The following MDN1 variants were observed in gnomAD, a reference collection of about 807,000 sequenced individuals.
MDN1 encodes the protein midasin.
A neutral mutation model predicts 669.2 loss-of-function variants in MDN1; 266 were observed. The observed-to-expected ratio is 0.40, with a 90% confidence interval of 0.36 to 0.44. The LOEUF (loss-of-function observed/expected upper bound fraction) is 0.44. Ranked by LOEUF, MDN1 falls within the 20% of genes least tolerant of loss-of-function variation. The pLI is 1.00. For synonymous variants in MDN1, 2,385 were observed against 2,457.1 expected (o/e 0.97, Z 0.87); for missense variants, 5,940 against 6,754.0 (o/e 0.88, Z 4.22).
chr6:89,795,292 G>A (rs1562227578), intron 2 of MDN1, among the ~76,000 whole-genome samples: 2 of 152,152 alleles, frequency 1.3e-5, no homozygotes, highest in African/African-American at 4.8e-5. Context: ...TTGCTGTCTA[G>A]TAAGGAAGAC....
intron 2 of MDN1, among the ~76,000 whole-genome samples, chr6:89,798,350 T>C (rs6914576): frequency 0.078 from 11,864 of 151,512 alleles, 1,100 homozygotes; most frequent in African/African-American, 0.22. Context: ...CCGTCTCTAC[T>C]AAAAAGACAA....
Position 89,742,850 on chromosome 6 carries a change from C to CA in MDN1, c.4448+299dup, listed in dbSNP as rs370099552. Among the ~76,000 whole-genome samples the CA allele has an allele frequency of 2.2e-3, 331 of 151,362 alleles. 1 individual carries two copies. Among genetic ancestry groups the CA allele is most frequent in the African/African-American group, 7.7e-3 (316 of 41,306 alleles). ...ATCCCATTGTTCTGATTATTGATAG[C>CA]AAAAAAAACCTAGAAATTTAGGAAA... On this transcript the variant is annotated intron_variant, in intron 31 of 101. Coordinates refer to ENST00000369393, the MANE Select transcript of MDN1 (RefSeq NM_014611.3).
intron 33 of MDN1, among the ~76,000 whole-genome samples, chr6:89,734,670 G>GAA (rs778207435): frequency 3.5e-5 from 1 of 28,682 alleles, no homozygotes; most frequent in African/African-American, 2.3e-4. Context: ...AAAGGAAGAA[G>GAA]AAAAAAAAAA....
At position 89,716,743 on chromosome 6, in the gene MDN1, T is replaced by C. The variant is rs576333533; in HGVS notation, c.6650A>G (p.His2217Arg). ...AACCCATTCAAATGTGCCATGGCTA[T>C]GGCCACTGGCCAACTGCGTAAGCTT... ...GVKLTQLASG[H>R]SHGTFEWVDS... is the part of the protein sequence containing the mutation. Residue 2217 changes from histidine (H) to arginine (R), a missense_variant, in exon 44 of 102, where the codon CAT becomes CGT. Physicochemically the swap from His to Arg is conservative, Grantham distance 29. Coordinates refer to ENST00000369393, the MANE Select transcript of MDN1 (RefSeq NM_014611.3). The C allele has an allele frequency of 7.0e-5, 113 of 1,614,064 alleles. 1 individual carries two copies. The South Asian group carries it at 1.2e-3, about 17-fold the overall frequency.
rs1812277636 is a variant in MDN1 at position 89,689,996 on chromosome 6, T to G, written c.10897A>C (p.Asn3633His). Residue 3633 changes from asparagine (N) to histidine (H), a missense_variant, in exon 65 of 102, where the codon AAC (asparagine) becomes CAC (histidine). Physicochemically the swap from Asn to His is moderately conservative, Grantham distance 68. This residue lies in a region of MDN1 where 2,280 missense variants were observed against 2,576.3 expected (regional missense o/e 0.88). Transcript: ENST00000369393. ...TGATACCAGAGGGATCGAGCAAAGT[T>G]GAGACACAATTGCTGGTGTATCAGC... Reference protein sequence around the residue: ...VMLIHQQLCLNFARSLWYQQT... With the variant: ...VMLIHQQLCLHFARSLWYQQT... 1 of 1,614,196 alleles carries G rather than the reference T, an allele frequency of 6.2e-7. No individual in the cohort carries two copies. Among genetic ancestry groups the G allele is most frequent in the Non-Finnish European group, 8.5e-7 (1 of 1,180,028 alleles).
chr6:89,667,990 C>T, intron 84 of MDN1, 24 bp downstream of exon 84: 1 of 1,612,226 alleles, frequency 6.2e-7, no homozygotes, highest in East Asian at 2.2e-5. Flanking sequence ...CTTCTGTCAA[C>T]TGTATACCTA....
chr6:89,680,453 G>T, intron 74 of MDN1, 136 bp downstream of exon 74: 1 of 1,030,556 alleles, frequency 9.7e-7, no homozygotes, highest in Non-Finnish European at 1.4e-6. Context: ...GGGTTTTTAA[G>T]CCCACTTGCT....
At chr6:89,688,012 T>G in intron 67 of MDN1, 66 bp downstream of exon 67, 2 of 1,327,940 alleles carry the variant, frequency 1.5e-6, no homozygotes, top group Non-Finnish European at 2.2e-6. Context: ...ACAACAAAGG[T>G]GCCACAAGAC....
chr6:89,701,511 AAGT>A lies in MDN1; in HGVS notation c.8427+44_8427+46del, dbSNP rs1287029369. ...TTCCCAAGTTCCAAAAGGACTTCAG[AAGT>A]AGTAGTCACATTTCTTTTATTTACT... On this transcript the variant is annotated intron_variant, in intron 55 of 101. Transcript: ENST00000369393. 5 of 1,605,466 alleles carry A rather than the reference AAGT, an allele frequency of 3.1e-6. No individual in the cohort carries two copies. The South Asian group carries it at 5.6e-5, about 18-fold the overall frequency.
In MDN1 at chr6:89,728,963, T is replaced by A; in HGVS notation, c.5317A>T (p.Thr1773Ser). 6.2e-7 allele frequency: 1 copy of A among 1,614,036 alleles called. No individual in the cohort carries two copies. The highest frequency in any genetic ancestry group is 8.5e-7 in the Non-Finnish European group (1 of 1,179,986). Residue 1773 changes from threonine (T) to serine (S), a missense_variant, in exon 36 of 102, where the codon ACC becomes TCC. Physicochemically the swap from Thr to Ser is moderately conservative, Grantham distance 58. Transcript: ENST00000369393. ...TCTGATAAGTTGATTCTAACAAGGGTATTTCCTGAAGCCTTTGCTAATGCT... is the reference window on the plus strand; with the variant it reads ...TCTGATAAGTTGATTCTAACAAGGGAATTTCCTGAAGCCTTTGCTAATGCT... ...VGALAKASGNTLVRINLSEQT... is the reference protein window; with the variant it reads ...VGALAKASGNSLVRINLSEQT...
Position 89,758,145 on chromosome 6 carries a change from T to C in MDN1, c.2702+110A>G, listed in dbSNP as rs371290291. The C allele has an allele frequency of 1.1e-3, 860 of 808,534 alleles. 10 individuals are homozygous for C. The highest frequency in any genetic ancestry group is 8.2e-3 in the South Asian group (482 of 59,132). The allele number at this position is 808,534 out of a possible 1,614,324, so 50.1% of individuals were successfully genotyped here. A position where few individuals can be genotyped will look rare whatever the true frequency, so the allele number is the denominator to read the frequency against. On this transcript the variant is annotated intron_variant, in intron 19 of 101. Transcript: ENST00000369393. ...GGGAGGTGGGAGGTGGGAGGACTGCTTGAACCGGGGACTTGCAGTGAGCCA... is the reference window on the plus strand; with the variant it reads ...GGGAGGTGGGAGGTGGGAGGACTGCCTGAACCGGGGACTTGCAGTGAGCCA...
rs1484814649 is a variant in MDN1 at position 89,719,031 on chromosome 6, C to A, written c.6058-1G>T. 1 of 1,613,900 alleles carries A rather than the reference C, an allele frequency of 6.2e-7. No individual in the cohort carries two copies. The highest frequency in any genetic ancestry group is 8.5e-7 in the Non-Finnish European group (1 of 1,179,936). On this transcript the variant is annotated splice_acceptor_variant, in intron 41 of 101. Coordinates refer to ENST00000369393, the MANE Select transcript of MDN1 (RefSeq NM_014611.3). LOFTEE classifies it high-confidence loss of function. The stretch of plus-strand genomic sequence containing the variant: ...CACGGGAAAGGACTGAGTAGCCCAA[C>A]TGAAAAGACATGCCAGTGAGATTTC...
At chr6:89,745,000 A>G (rs1361761517) in intron 29 of MDN1, among the ~76,000 whole-genome samples, 1 of 151,198 alleles carries the variant, frequency 6.6e-6, no homozygotes, top group Non-Finnish European at 1.5e-5. Context: ...GTACATGTGC[A>G]GAATGTGCAG....
intron 93 of MDN1, among the ~76,000 whole-genome samples, chr6:89,653,406 T>G (rs1159176247): frequency 1.3e-5 from 2 of 152,234 alleles, no homozygotes; most frequent in Non-Finnish European, 2.9e-5. Flanking sequence ...GGGGAAATTT[T>G]GGGTTGTCCT....
intron 33 of MDN1, among the ~76,000 whole-genome samples, chr6:89,735,968 C>T (rs918995733): frequency 6.6e-5 from 10 of 152,008 alleles, no homozygotes; most frequent in Non-Finnish European, 1.5e-4. Context: ...TGCAGTGAGC[C>T]AAGATTGCAC....
chr6:89,677,684 C>G lies in MDN1; in HGVS notation c.12425G>C (p.Arg4142Pro). 1.2e-6 allele frequency: 2 copies of G among 1,614,004 alleles called. No individual in the cohort carries two copies. The highest frequency in any genetic ancestry group is 1.1e-5 in the South Asian group (1 of 91,068). Reference protein sequence around the residue: ...KHLAKIGLSYRKGLAWARSKN... With the variant: ...KHLAKIGLSYPKGLAWARSKN... ...TGAACGGGCCCAAGCAAGACCTTTG[C>G]GATACGACAAACCTAGGAAATAAAC... The change falls in exon 76 of 102, where the codon CGC (arginine) becomes CCC (proline). Residue 4142 changes from arginine to proline, a missense_variant. This residue lies in a region of MDN1 where 2,280 missense variants were observed against 2,576.3 expected (regional missense o/e 0.88). Coordinates refer to ENST00000369393, the MANE Select transcript of MDN1 (RefSeq NM_014611.3).
intron 40 of MDN1, among the ~76,000 whole-genome samples, chr6:89,722,173 C>G (rs1447100508): frequency 6.6e-6 from 1 of 152,234 alleles, no homozygotes; most frequent in Non-Finnish European, 1.5e-5. Context: ...CAATTCCTTA[C>G]AGTGGGAATT....
chr6:89,797,166 T>C (rs1209923706), intron 2 of MDN1, among the ~76,000 whole-genome samples: 1 of 151,888 alleles, frequency 6.6e-6, no homozygotes. Context: ...GGTCAAGAGA[T>C]CGAGACCATC....
At chr6:89,649,958 G>C in intron 97 of MDN1, 66 bp downstream of exon 97, 1 of 1,525,402 alleles carries the variant, frequency 6.6e-7, no homozygotes, top group Non-Finnish European at 9.0e-7. Context: ...AAGCATTTTG[G>C]TGGCCCATGG....
Sources: gnomAD v4.1 joint callset for allele counts (sites outside exome capture counted in the v4.1 genomes callset) on GRCh38, gnomAD v4.1.1 for gene constraint, gnomAD v4.1.1 regional missense constraint, MANE v1.5 for transcripts, NCBI Gene and HGNC (gene_info 2026-07-23, HGNC 2026-07-21) for gene names.